Variants in CDIP1 observed in about 807,000 individuals in gnomAD.
The protein encoded by CDIP1 is cell death-inducing p53-target protein 1.
Under a neutral mutation model 17.7 loss-of-function variants are expected in CDIP1, and 9 were observed. The ratio of observed to expected loss-of-function variants is 0.51; its 90% CI spans 0.31 to 0.89. The LOEUF (loss-of-function observed/expected upper bound fraction) is 0.89, where lower values mean the gene tolerates loss of function less well. Ranked by LOEUF, CDIP1 falls within the 40% of genes least tolerant of loss-of-function variation. The probability of loss-of-function intolerance (pLI) is 0.05; values close to 1 mark genes in which losing one functional copy is unlikely to be tolerated. For synonymous variants in CDIP1, 117 were observed against 109.5 expected, an observed-to-expected ratio of 1.07 and a Z score of -0.43; for missense variants, 263 against 277.9, an observed-to-expected ratio of 0.95 and a Z score of 0.38.
intron 1 of CDIP1, among the ~76,000 whole-genome samples, chr16:4,534,514 T>G (rs951855347): frequency 3.3e-5 from 5 of 152,220 alleles, no homozygotes; most frequent in Non-Finnish European, 7.3e-5. Context: ...TGCCATTACT[T>G]GGCAACCATG....
chr16:4,522,034 G>A (rs915592447), intron 1 of CDIP1, among the ~76,000 whole-genome samples: 2 of 152,192 alleles, frequency 1.3e-5, no homozygotes, highest in Non-Finnish European at 2.9e-5. Flanking sequence ...GATTCCCAAC[G>A]AGGGGTCCTG....
In CDIP1 at chr16:4,512,006, A is replaced by C. The variant is rs902159248; in HGVS notation, c.*566T>G. Reference sequence around the variant, plus strand: ...TATACCTGAGAGTTCTGAGGGCCAGAGTTGGCAGTTTTACTTCCAGCCACC... The same window carrying C: ...TATACCTGAGAGTTCTGAGGGCCAGCGTTGGCAGTTTTACTTCCAGCCACC... On this transcript the variant is annotated 3_prime_UTR_variant, in exon 6 of 6. Transcript: ENST00000567695. The surrounding 1 kb of genome is among the most constrained non-coding windows in gnomAD (Gnocchi z 4.6). The C allele has an allele frequency of 6.3e-6, 1 of 158,766 alleles. No homozygotes were observed. Among genetic ancestry groups the C allele is most frequent in the Non-Finnish European group, 1.4e-5 (1 of 71,582 alleles). The allele number at this position is 158,766 out of a possible 1,614,324, so 9.8% of individuals were successfully genotyped here.
rs1439895499 is a variant in CDIP1 at position 4,513,023 on chromosome 16, A to G, written c.283T>C (p.Tyr95His). Reference sequence around the variant, plus strand: ...CCTGGCGTGTAGGGCCCTGGGGGGTAGTAGCCCATGGGTGGGTGGGGGCCT... The same window carrying G: ...CCTGGCGTGTAGGGCCCTGGGGGGTGGTAGCCCATGGGTGGGTGGGGGCCT... Reference protein sequence around the residue: ...PPGPHPPMGYYPPGPYTPGPY... With the variant: ...PPGPHPPMGYHPPGPYTPGPY... The change falls in exon 5 of 6, where the codon TAC (tyrosine) becomes CAC (histidine). Residue 95 changes from tyrosine to histidine, a missense_variant. Coordinates refer to ENST00000567695, the MANE Select transcript of CDIP1 (RefSeq NM_013399.3). This position sits in a 1 kb window ranked among gnomAD's most constrained non-coding sequence, Gnocchi z 4.1. The G allele has an allele frequency of 6.3e-7, 1 of 1,593,390 alleles. No homozygotes were observed. The highest frequency in any genetic ancestry group is 2.3e-5 in the East Asian group (1 of 44,110).
intron 1 of CDIP1, among the ~76,000 whole-genome samples, chr16:4,517,762 C>G (rs1436543244): frequency 6.7e-6 from 1 of 149,674 alleles, no homozygotes; most frequent in Admixed American, 6.7e-5. Context: ...AAAAAAAAAA[C>G]AGAACAGGGA....
At chr16:4,535,136 T>A (rs910748520) in intron 1 of CDIP1, among the ~76,000 whole-genome samples, 1 of 152,186 alleles carries the variant, frequency 6.6e-6, no homozygotes, top group African/African-American at 2.4e-5. Context: ...TACTTCCACC[T>A]TTCTTGGCCT....
At chr16:4,517,810 C>T (rs1487499074) in intron 1 of CDIP1, among the ~76,000 whole-genome samples, 1 of 152,066 alleles carries the variant, frequency 6.6e-6, no homozygotes, top group East Asian at 1.9e-4. Flanking sequence ...CCTGGGGTCC[C>T]TTGCCCAGGC....
chr16:4,523,832 G>T (rs1266366983), intron 1 of CDIP1: 1 of 152,334 alleles, frequency 6.6e-6, no homozygotes, highest in African/African-American at 2.4e-5. Flanking sequence ...GCCCCTGAGG[G>T]TGGCCAGATG....
At chr16:4,533,258 G>A (rs570280805) in intron 1 of CDIP1, 21 of 152,414 alleles carry the variant, frequency 1.4e-4, no homozygotes, top group African/African-American at 4.8e-4. Flanking sequence ...TGGGTCTAGG[G>A]CAATGGAGTC....
intron 1 of CDIP1, among the ~76,000 whole-genome samples, chr16:4,527,761 A>C (rs1235284289): frequency 2.6e-5 from 4 of 152,234 alleles, no homozygotes; most frequent in African/African-American, 7.2e-5. Context: ...AACTGGTTAC[A>C]TGCATGTGAT....
rs138766340 is a variant in CDIP1, at chr16:4,530,628, G to A, written c.-105+8074C>T. 3.6e-3 allele frequency among the ~76,000 whole-genome samples: 517 copies of A among 144,140 alleles called. 6 individuals carry two copies. Among genetic ancestry groups the A allele is most frequent in the African/African-American group, 0.012 (484 of 39,608 alleles). The allele number at this position is 144,140 out of a possible 152,430, so 94.6% of individuals were successfully genotyped here. A position where few individuals can be genotyped will look rare whatever the true frequency, so the allele number is the denominator to read the frequency against. On this transcript the variant is annotated intron_variant, in intron 1 of 5. Coordinates refer to ENST00000567695, the MANE Select transcript of CDIP1 (RefSeq NM_013399.3). The stretch of plus-strand genomic sequence containing the variant: ...TGCGCCAGTACACTCCAGCCTGGGC[G>A]ACAGAGTGAGACTCCATCTCAAAAA...
intron 1 of CDIP1, among the ~76,000 whole-genome samples, chr16:4,522,884 C>G (rs2058965142): frequency 6.6e-6 from 1 of 152,250 alleles, no homozygotes; most frequent in Admixed American, 6.5e-5. Flanking sequence ...GCCTTTCCAT[C>G]CTGTGACATC....
intron 1 of CDIP1, among the ~76,000 whole-genome samples, chr16:4,525,847 A>C (rs369054222): frequency 6.6e-6 from 1 of 152,170 alleles, no homozygotes; most frequent in South Asian, 2.1e-4. Flanking sequence ...AATCCTGAAC[A>C]TGGCCCATTT....
At chr16:4,535,638 G>C (rs1422718267) in intron 1 of CDIP1, among the ~76,000 whole-genome samples, 1 of 152,198 alleles carries the variant, frequency 6.6e-6, no homozygotes, top group African/African-American at 2.4e-5. Context: ...TCCACGTCTA[G>C]GCAGCCCTGG....
At position 4,513,709 on chromosome 16, in the gene CDIP1, G is replaced by A; in HGVS notation, c.228C>T (p.Thr76=). ...FIPPHMSADG[T]YMPPGFYPPP... Reference sequence around the variant, plus strand: ...TTCCCCACTCACCCGGAGGCATGTAGGTGCCATCTGCACTCATGTGTGGTG... The same window carrying A: ...TTCCCCACTCACCCGGAGGCATGTAAGTGCCATCTGCACTCATGTGTGGTG... The change falls in exon 4 of 6, where the codon ACC becomes ACT. Residue 76 remains threonine, a synonymous_variant. Coordinates refer to ENST00000567695, the MANE Select transcript of CDIP1 (RefSeq NM_013399.3). The surrounding 1 kb of genome is among the most constrained non-coding windows in gnomAD (Gnocchi z 4.1). 6.2e-7 allele frequency: 1 copy of A among 1,613,628 alleles called. No individual in the cohort carries two copies. Among genetic ancestry groups the A allele is most frequent in the Non-Finnish European group, 8.5e-7 (1 of 1,179,742 alleles).
At chr16:4,537,221 AAT>A (rs2059116963) in intron 1 of CDIP1, among the ~76,000 whole-genome samples, 1 of 152,236 alleles carries the variant, frequency 6.6e-6, no homozygotes, top group Non-Finnish European at 1.5e-5. Context: ...TGGTTGGACA[AAT>A]ATGTGATGAA....
chr16:4,517,497 T>C (rs970526170), intron 1 of CDIP1, among the ~76,000 whole-genome samples: 1 of 152,130 alleles, frequency 6.6e-6, no homozygotes, highest in Non-Finnish European at 1.5e-5. Flanking sequence ...CTCAGCACTT[T>C]GGGAGACTGA....
intron 1 of CDIP1, among the ~76,000 whole-genome samples, chr16:4,519,800 CCT>C (rs1203156441): frequency 3.3e-5 from 5 of 151,772 alleles, no homozygotes; most frequent in East Asian, 1.9e-4. Context: ...CTTCTCACCC[CCT>C]CTCTCGCCAT....
rs181713236 is a variant in CDIP1 at position 4,510,838 on chromosome 16, A to G, written c.*1734T>C. Reference sequence around the variant, plus strand: ...CTTCATAATTCAGATGAGTTAGTGCAGAGATGGCCAGGGCCAGAGGTCGCC... The same window carrying G: ...CTTCATAATTCAGATGAGTTAGTGCGGAGATGGCCAGGGCCAGAGGTCGCC... On this transcript the variant is annotated 3_prime_UTR_variant, in exon 6 of 6. Transcript: ENST00000567695. 65 of 152,376 alleles carry G rather than the reference A, an allele frequency of 4.3e-4. No individual in the cohort carries two copies. Among genetic ancestry groups the G allele is most frequent in the African/African-American group, 1.4e-3 (57 of 41,596 alleles). 9.4% of individuals were successfully genotyped at this position (152,376 alleles called of 1,614,324 possible). A position where few individuals can be genotyped will look rare whatever the true frequency, so the allele number is the denominator to read the frequency against.
At chr16:4,529,093 C>T (rs1194375316) in intron 1 of CDIP1, among the ~76,000 whole-genome samples, 1 of 152,154 alleles carries the variant, frequency 6.6e-6, no homozygotes, top group Non-Finnish European at 1.5e-5. Flanking sequence ...CAGAGCAAGC[C>T]AGAGGCCTGG....
Sources: gnomAD v4.1 joint callset for allele counts (sites outside exome capture counted in the v4.1 genomes callset) on GRCh38, gnomAD v4.1.1 for gene constraint, Gnocchi (gnomAD v3.1) non-coding constraint, MANE v1.5 for transcripts, NCBI Gene and HGNC (gene_info 2026-07-23, HGNC 2026-07-21) for gene names.